Variants in HMGA2 observed in about 807,000 individuals in gnomAD.
The protein encoded by HMGA2 is high mobility group AT-hook 2.
A neutral mutation model predicts 19.1 loss-of-function variants in HMGA2; 8 were observed. The ratio of observed to expected loss-of-function variants is 0.42; its 90% CI spans 0.25 to 0.76. The LOEUF is 0.76. HMGA2 is among the 30% of genes least tolerant of loss of function. HMGA2 has a pLI of 0.28. For synonymous variants in HMGA2, 60 were observed against 48.8 expected (o/e 1.23, Z -0.96); for missense variants, 109 against 136.3 (o/e 0.80, Z 1.00).
rs377026590 is a variant in HMGA2, at chr12:65,947,341, G to T, written c.250-4042G>T. On this transcript the variant is annotated intron_variant, in intron 3 of 4. Transcript: ENST00000403681. ...GGTTGCCCAAGCTGGTCTCGAACTCGTGAGCTCAAACAATCCTCTCAAAGT... is the reference window on the plus strand; with the variant it reads ...GGTTGCCCAAGCTGGTCTCGAACTCTTGAGCTCAAACAATCCTCTCAAAGT... 1.4e-4 allele frequency among the ~76,000 whole-genome samples: 21 copies of T among 152,166 alleles called. 1 individual carries two copies. In the East Asian group the frequency reaches 3.7e-3, roughly 27 times the overall value.
intron 3 of HMGA2, chr12:65,876,773 C>T (rs976613097): frequency 3.9e-5 from 6 of 152,172 alleles, no homozygotes; most frequent in African/African-American, 1.4e-4. Context: ...CCTCCGGAAA[C>T]CATACCCCAT....
chr12:65,828,159 C>A, intron 2 of HMGA2, 72 bp downstream of exon 2: 1 of 1,087,876 alleles, frequency 9.2e-7, no homozygotes, highest in Non-Finnish European at 1.4e-6. Context: ...GTAACTTTCC[C>A]ATTCTAACTC....
At chr12:65,882,845 A>G (rs984265872) in intron 3 of HMGA2, among the ~76,000 whole-genome samples, 2 of 152,216 alleles carry the variant, frequency 1.3e-5, no homozygotes, top group African/African-American at 4.8e-5. Flanking sequence ...CTGCTAGGGA[A>G]ATATTTTTTA....
intron 3 of HMGA2, among the ~76,000 whole-genome samples, chr12:65,886,424 A>G (rs1375728337): frequency 6.6e-6 from 1 of 150,568 alleles, no homozygotes; most frequent in Non-Finnish European, 1.5e-5. Context: ...CAGTGGCGCA[A>G]TCTCTGCTCA....
intron 3 of HMGA2, among the ~76,000 whole-genome samples, chr12:65,939,543 ATGGG>A (rs1339158127): frequency 6.6e-6 from 1 of 152,106 alleles, no homozygotes; most frequent in Non-Finnish European, 1.5e-5. Context: ...TTTAGTAGAG[ATGGG>A]GTTTCACCAT....
chr12:65,952,494 A>T, intron 4 of HMGA2: 2 of 1,522,018 alleles, frequency 1.3e-6, no homozygotes, highest in South Asian at 2.4e-5. Flanking sequence ...ACAATTACAT[A>T]TGAGCTTTAA....
chr12:65,844,853 G>A (rs1871169669), intron 3 of HMGA2, among the ~76,000 whole-genome samples: 3 of 152,174 alleles, frequency 2.0e-5, no homozygotes, highest in Non-Finnish European at 4.4e-5. Context: ...GTGTGGAGTG[G>A]CAAATTCTAG....
At chr12:65,923,598 C>T (rs1358687595) in intron 3 of HMGA2, among the ~76,000 whole-genome samples, 1 of 152,194 alleles carries the variant, frequency 6.6e-6, no homozygotes, top group African/African-American at 2.4e-5. Flanking sequence ...CCTGTAGGCT[C>T]CTGTACCCTG....
At chr12:65,831,211 G>A (rs1053810629) in intron 2 of HMGA2, among the ~76,000 whole-genome samples, 1 of 151,736 alleles carries the variant, frequency 6.6e-6, no homozygotes, top group Non-Finnish European at 1.5e-5. Flanking sequence ...TGTGGTGGAT[G>A]GAAATCTTTG....
intron 3 of HMGA2, among the ~76,000 whole-genome samples, chr12:65,872,118 G>A (rs1872739529): frequency 6.6e-6 from 1 of 152,130 alleles, no homozygotes; most frequent in Admixed American, 6.6e-5. Context: ...GTGTGACTTG[G>A]CTTCTGCCCC....
At chr12:65,859,021 T>C (rs1269666598) in intron 3 of HMGA2, 1 of 152,228 alleles carries the variant, frequency 6.6e-6, no homozygotes, top group Non-Finnish European at 1.5e-5. Context: ...ATCGTGTTTA[T>C]CTGTCATCAG....
At chr12:65,849,864 G>T (rs1202187103) in intron 3 of HMGA2, among the ~76,000 whole-genome samples, 1 of 150,316 alleles carries the variant, frequency 6.7e-6, no homozygotes, top group Non-Finnish European at 1.5e-5. Context: ...GATTACAGGT[G>T]CCTGCCACCA....
chr12:65,890,511 C>T (rs1049048460), intron 3 of HMGA2, among the ~76,000 whole-genome samples: 1 of 152,024 alleles, frequency 6.6e-6, no homozygotes, highest in African/African-American at 2.4e-5. Flanking sequence ...TATAACGTTG[C>T]CTAAGGTATA....
chr12:65,889,981 TC>T (rs1421055650), intron 3 of HMGA2, among the ~76,000 whole-genome samples: 4 of 152,176 alleles, frequency 2.6e-5, no homozygotes, highest in Non-Finnish European at 4.4e-5. Flanking sequence ...TCCTCCTAAT[TC>T]TTACCCACTT....
Position 65,825,350 on chromosome 12 carries a change from G to C in HMGA2, c.80G>C (p.Arg27Thr). The change falls in exon 1 of 5, where the codon AGA (arginine) becomes ACA (threonine). Residue 27 changes from arginine to threonine, a missense_variant. Coordinates refer to ENST00000403681, the MANE Select transcript of HMGA2 (RefSeq NM_003483.6). This position sits in a 1 kb window ranked among gnomAD's most constrained non-coding sequence, Gnocchi z 4.4. ...CCTGCCGCCCCAGCGCCTCAGAAGA[G>C]AGGACGCGGCCGCCCCAGGAAGCAG... Reference protein sequence around the residue: ...GQPAAPAPQKRGRGRPRKQQQ... With the variant: ...GQPAAPAPQKTGRGRPRKQQQ... The C allele has an allele frequency of 1.3e-6, 2 of 1,536,294 alleles. No homozygotes were observed. The highest frequency in any genetic ancestry group is 1.7e-6 in the Non-Finnish European group (2 of 1,145,242).
At position 65,888,479 on chromosome 12, in the gene HMGA2, A is replaced by G. The variant is rs541293560; in HGVS notation, c.249+49910A>G. Among the ~76,000 whole-genome samples, 12 of 150,600 alleles carry G rather than the reference A, an allele frequency of 8.0e-5. No homozygotes were observed. In the South Asian group the frequency reaches 2.5e-3, roughly 32 times the overall value. Reference sequence around the variant, plus strand: ...CCCCCAAAAAAAGAAAGAAAAGAAAAGAAACCTTAGAATAAAACTACCTTT... The same window carrying G: ...CCCCCAAAAAAAGAAAGAAAAGAAAGGAAACCTTAGAATAAAACTACCTTT... On this transcript the variant is annotated intron_variant, in intron 3 of 4. Transcript: ENST00000403681.
At chr12:65,951,485 C>T (rs1254528001) in intron 4 of HMGA2, 70 bp downstream of exon 4, 18 of 937,548 alleles carry the variant, frequency 1.9e-5, no homozygotes, top group Non-Finnish European at 2.8e-5. Flanking sequence ...AAAAATGTCC[C>T]CAAACTAAAC....
intron 1 of HMGA2, 34 bp from the exon 2 acceptor site, chr12:65,827,967 G>T (rs1013420373): frequency 1.9e-5 from 27 of 1,440,716 alleles, no homozygotes; most frequent in Non-Finnish European, 2.3e-5. Context: ...AGACATTCTT[G>T]CCACAACAGC....
intron 3 of HMGA2, among the ~76,000 whole-genome samples, chr12:65,850,111 T>C (rs1871399754): frequency 6.6e-6 from 1 of 152,204 alleles, no homozygotes; most frequent in South Asian, 2.1e-4. Context: ...GGCTTAAAGT[T>C]TTGTGCCTTC....
Sources: gnomAD v4.1 joint callset for allele counts (sites outside exome capture counted in the v4.1 genomes callset) on GRCh38, gnomAD v4.1.1 for gene constraint, Gnocchi (gnomAD v3.1) non-coding constraint, MANE v1.5 for transcripts, NCBI Gene and HGNC (gene_info 2026-07-23, HGNC 2026-07-21) for gene names.